Variants in LHX2 observed in about 807,000 individuals in gnomAD.
LHX2 encodes LIM homeobox 2.
Under a neutral mutation model 33.0 loss-of-function variants are expected in LHX2, and 6 were observed. The ratio of observed to expected loss-of-function variants is 0.18; its 90% CI spans 0.10 to 0.36. The LOEUF (loss-of-function observed/expected upper bound fraction) is 0.36, where lower values mean the gene tolerates loss of function less well. LHX2 is among the 10% of genes least tolerant of loss of function. The pLI is 1.00. For missense variants in LHX2, 442 were observed against 586.2 expected (o/e 0.75, Z 2.54); for synonymous variants, 292 against 253.1 (o/e 1.15, Z -1.46).
In LHX2 at chr9:124,033,206, C is replaced by G. The variant is rs1016549462; in HGVS notation, c.*499C>G. ...AAAGGAAAAATCAAACCCCCTCCAA[C>G]GGTCGCTTTGTTGTTTTAGAATTTT... On this transcript the variant is annotated 3_prime_UTR_variant, in exon 5 of 5. Coordinates refer to ENST00000373615, the MANE Select transcript of LHX2 (RefSeq NM_004789.4). 1 of 150,558 alleles carries G rather than the reference C, an allele frequency of 6.6e-6. No individual in the cohort carries two copies. Among genetic ancestry groups the G allele is most frequent in the Non-Finnish European group, 1.5e-5 (1 of 67,840 alleles). 9.3% of individuals were successfully genotyped at this position (150,558 alleles called of 1,614,324 possible). A position where few individuals can be genotyped will look rare whatever the true frequency, so the allele number is the denominator to read the frequency against.
In LHX2 at chr9:124,015,858, G is replaced by A. The variant is rs1159341344; in HGVS notation, c.727+333G>A. Among the ~76,000 whole-genome samples, 2 of 152,254 alleles carry A rather than the reference G, an allele frequency of 1.3e-5. No individual in the cohort carries two copies. The highest frequency in any genetic ancestry group is 3.9e-4 in the East Asian group (2 of 5,194). Reference sequence around the variant, plus strand: ...ATGGAGAAAGCAAGGCGGCGCTGACGCCAAACAGGTTTTGGGTTGGCGCGG... The same window carrying A: ...ATGGAGAAAGCAAGGCGGCGCTGACACCAAACAGGTTTTGGGTTGGCGCGG... On this transcript the variant is annotated intron_variant, in intron 3 of 4. Transcript: ENST00000373615. This position sits in a 1 kb window ranked among gnomAD's most constrained non-coding sequence, Gnocchi z 7.9.
Position 124,032,297 on chromosome 9 carries a change from T to C in LHX2, c.934-123T>C. 8.1e-7 allele frequency: 1 copy of C among 1,230,530 alleles called. No individual in the cohort carries two copies. The highest frequency in any genetic ancestry group is 1.1e-6 in the Non-Finnish European group (1 of 910,818). The allele number at this position is 1,230,530 out of a possible 1,614,324, so 76.2% of individuals were successfully genotyped here. A position where few individuals can be genotyped will look rare whatever the true frequency, so the allele number is the denominator to read the frequency against. ...AAGCAAAATATTGCCAACCTGACTT[T>C]TTGGATCCTCTTGGCAAAACACAGA... On this transcript the variant is annotated intron_variant, in intron 4 of 4. Coordinates refer to ENST00000373615, the MANE Select transcript of LHX2 (RefSeq NM_004789.4). The surrounding 1 kb of genome is among the most constrained non-coding windows in gnomAD (Gnocchi z 4.1).
At chr9:124,027,005 A>C (rs1828635888) in intron 4 of LHX2, among the ~76,000 whole-genome samples, 1 of 152,182 alleles carries the variant, frequency 6.6e-6, no homozygotes, top group Non-Finnish European at 1.5e-5. Context: ...TAGATGGCCT[A>C]AGCTGTATGG....
chr9:124,013,936 G>A (rs1178297801), intron 1 of LHX2, 25 bp from the exon 2 acceptor site: 2 of 1,604,676 alleles, frequency 1.2e-6, no homozygotes, highest in Non-Finnish European at 1.7e-6. Flanking sequence ...AGGCGCTGCT[G>A]TCTTCCGCCT....
chr9:124,013,747 G>T (rs1265771526), intron 1 of LHX2, among the ~76,000 whole-genome samples: 2 of 152,284 alleles, frequency 1.3e-5, no homozygotes, highest in African/African-American at 4.8e-5. Context: ...CCCGTGGCTG[G>T]CGAGGGCTGC....
chr9:124,013,636 G>C (rs566330941), intron 1 of LHX2, among the ~76,000 whole-genome samples: 1 of 152,364 alleles, frequency 6.6e-6, no homozygotes, highest in African/African-American at 2.4e-5. Context: ...AGCTGTCCTG[G>C]TCCCTAAACA....
chr9:124,012,527 G>C lies in LHX2; in HGVS notation c.120+59G>C. 1 of 1,423,816 alleles carries C rather than the reference G, an allele frequency of 7.0e-7. No homozygotes were observed. The highest frequency in any genetic ancestry group is 2.8e-5 in the East Asian group (1 of 35,290). 88.2% of individuals were successfully genotyped at this position (1,423,816 alleles called of 1,614,324 possible). On this transcript the variant is annotated intron_variant, in intron 1 of 4. Transcript: ENST00000373615. The surrounding 1 kb of genome is among the most constrained non-coding windows in gnomAD (Gnocchi z 4.3). ...CTGGGATGGGGCCGGGCCAGTCAGC[G>C]CCTCTGCTCCCCGAAGTTTGGGGAG...
At chr9:124,026,915 C>A (rs368477223) in intron 4 of LHX2, among the ~76,000 whole-genome samples, 2 of 152,152 alleles carry the variant, frequency 1.3e-5, no homozygotes, top group African/African-American at 2.4e-5. Context: ...TTACTTTGAA[C>A]CTCCATTTCC....
rs1041182820 is a variant in LHX2, at chr9:124,016,168, C to T, written c.727+643C>T. Among the ~76,000 whole-genome samples the T allele has an allele frequency of 6.6e-6, 1 of 152,086 alleles. No homozygotes were observed. Among genetic ancestry groups the T allele is most frequent in the Non-Finnish European group, 1.5e-5 (1 of 67,998 alleles). ...GCGCCTGCTGGGGTGAGGGCCGTGA[C>T]CCTCGGAAGCGAGCCCCCCGGGCGG... On this transcript the variant is annotated intron_variant, in intron 3 of 4. Coordinates refer to ENST00000373615, the MANE Select transcript of LHX2 (RefSeq NM_004789.4). The surrounding 1 kb of genome is among the most constrained non-coding windows in gnomAD (Gnocchi z 4.4).
chr9:124,017,673 TC>T, intron 3 of LHX2, among the ~76,000 whole-genome samples: 1 of 152,192 alleles, frequency 6.6e-6, no homozygotes, highest in Admixed American at 6.5e-5. Context: ...AGCCTCTTGC[TC>T]TGGGGACAGT....
Position 124,032,267 on chromosome 9 carries a change from C to G in LHX2, c.934-153C>G. The G allele has an allele frequency of 1.0e-6, 1 of 982,750 alleles. No homozygotes were observed. The highest frequency in any genetic ancestry group is 1.9e-5 in the South Asian group (1 of 52,218). 60.9% of individuals were successfully genotyped at this position (982,750 alleles called of 1,614,324 possible). On this transcript the variant is annotated intron_variant, in intron 4 of 4. Transcript: ENST00000373615. The surrounding 1 kb of genome is among the most constrained non-coding windows in gnomAD (Gnocchi z 4.1). ...CAAACAAAAACAAAAACAAAAAAAC[C>G]AAAAAAGCAAAATATTGCCAACCTG... is the stretch of plus-strand genomic sequence containing the variant.
intron 1 of LHX2, among the ~76,000 whole-genome samples, 175 bp from the exon 2 acceptor site, chr9:124,013,786 A>G (rs867908220): frequency 6.6e-6 from 1 of 152,214 alleles, no homozygotes; most frequent in Non-Finnish European, 1.5e-5. Context: ...TGAACCGCCC[A>G]GAAATGGAAA....
At position 124,014,811 on chromosome 9, in the gene LHX2, T is replaced by TA; in HGVS notation, c.324-308dup. On this transcript the variant is annotated intron_variant, in intron 2 of 4. Transcript: ENST00000373615. The surrounding 1 kb of genome is among the most constrained non-coding windows in gnomAD (Gnocchi z 4.8). ...CCAGGCGCTGGTTTGGAGGGAGGAG[T>TA]AAAGGTTGAGGAGGGGGTAAGTGGT... 6.6e-6 allele frequency among the ~76,000 whole-genome samples: 1 copy of TA among 151,400 alleles called. No homozygotes were observed. The highest frequency in any genetic ancestry group is 1.9e-4 in the East Asian group (1 of 5,132).
Position 124,022,415 on chromosome 9 carries a change from T to C in LHX2, c.933+1111T>C, listed in dbSNP as rs532255387. Among the ~76,000 whole-genome samples, 13 of 152,320 alleles carry C rather than the reference T, an allele frequency of 8.5e-5. No individual in the cohort carries two copies. In the East Asian group the frequency reaches 2.3e-3, roughly 27 times the overall value. ...TAGTGGACATCAGTTTCCCCATTCG[T>C]ACAAAGAGAAGGCAAGACAATGCCT... On this transcript the variant is annotated intron_variant, in intron 4 of 4. Transcript: ENST00000373615.
At chr9:124,029,648 G>A (rs1828681123) in intron 4 of LHX2, among the ~76,000 whole-genome samples, 1 of 152,172 alleles carries the variant, frequency 6.6e-6, no homozygotes, top group Non-Finnish European at 1.5e-5. Context: ...CCTGCCCGAG[G>A]TCTTGGAGCC....
Position 124,026,197 on chromosome 9 carries a change from G to A in LHX2, c.933+4893G>A, listed in dbSNP as rs1000507258. On this transcript the variant is annotated intron_variant, in intron 4 of 4. Transcript: ENST00000373615. The stretch of plus-strand genomic sequence containing the variant: ...AGACTGGCTGGGCGTGGTGGCTCAC[G>A]CCTGTAATTCCAGCACTTTGGGAGG... 1.1e-4 allele frequency among the ~76,000 whole-genome samples: 17 copies of A among 152,242 alleles called. 1 individual carries two copies. The South Asian group carries it at 1.5e-3, about 13-fold the overall frequency.
chr9:124,018,889 C>A (rs986831665), intron 3 of LHX2, among the ~76,000 whole-genome samples: 3 of 152,222 alleles, frequency 2.0e-5, no homozygotes, highest in African/African-American at 7.2e-5. Flanking sequence ...CACTACTACC[C>A]CACCTAGGCG....
rs1859185367 is a variant in LHX2 at position 124,016,085 on chromosome 9, C to CTTTAAA, written c.727+560_727+561insTTTAAA. Among the ~76,000 whole-genome samples, 1 of 152,244 alleles carries CTTTAAA rather than the reference C, an allele frequency of 6.6e-6. No individual in the cohort carries two copies. The highest frequency in any genetic ancestry group is 2.4e-5 in the African/African-American group (1 of 41,472). On this transcript the variant is annotated intron_variant, in intron 3 of 4. Coordinates refer to ENST00000373615, the MANE Select transcript of LHX2 (RefSeq NM_004789.4). This position sits in a 1 kb window ranked among gnomAD's most constrained non-coding sequence, Gnocchi z 4.4. ...AGGCTGCGGTTCCTTTTGCTCGGCC[C>CTTTAAA]GATCCTCCTTTAAAGACAGGTCTCA...
rs373941963 is a variant in LHX2 at position 124,032,479 on chromosome 9, G to A, written c.993G>A (p.Thr331=). The change falls in exon 5 of 5, where the codon ACG becomes ACA. Residue 331 remains threonine, a synonymous_variant. Coordinates refer to ENST00000373615, the MANE Select transcript of LHX2 (RefSeq NM_004789.4). This position sits in a 1 kb window ranked among gnomAD's most constrained non-coding sequence, Gnocchi z 4.1. ...GCAACCTCTTACGGCAGGAAAACAC[G>A]GGCGTGGACAAGTCGACAGACGCGG... ...FRRNLLRQEN[T]GVDKSTDAAL... is the part of the protein sequence containing the mutation. The A allele has an allele frequency of 1.6e-5, 25 of 1,609,560 alleles. No individual in the cohort carries two copies. The highest frequency in any genetic ancestry group is 1.3e-4 in the East Asian group (6 of 44,856).
Sources: gnomAD v4.1 joint callset for allele counts (sites outside exome capture counted in the v4.1 genomes callset) on GRCh38, gnomAD v4.1.1 for gene constraint, Gnocchi (gnomAD v3.1) non-coding constraint, MANE v1.5 for transcripts, NCBI Gene and HGNC (gene_info 2026-07-23, HGNC 2026-07-21) for gene names.